SLC27A6: variants seen among roughly 807,000 people sequenced by gnomAD.
SLC27A6 encodes the protein solute carrier family 27 member 6, also known as long-chain fatty acid transport protein 6.
Under a neutral mutation model 63.9 loss-of-function variants are expected in SLC27A6, and 74 were observed. That is an observed-to-expected ratio of 1.16 (90% confidence interval 0.96 to 1.40). SLC27A6 has a LOEUF of 1.40. Among genes scored for constraint, SLC27A6 ranks in the 40% most tolerant of loss-of-function variants. SLC27A6 has a pLI of 0.00. For synonymous variants in SLC27A6, 287 were observed against 260.8 expected (o/e 1.10, Z -0.97); for missense variants, 794 against 732.9 (o/e 1.08, Z -0.96).
At chr5:128,967,189 A>G (rs1749938591) in intron 1 of SLC27A6, among the ~76,000 whole-genome samples, 1 of 149,376 alleles carries the variant, frequency 6.7e-6, no homozygotes, top group Non-Finnish European at 1.5e-5. Context: ...TCTTCTTCTT[A>G]TCCTTCCATG....
intron 5 of SLC27A6, among the ~76,000 whole-genome samples, chr5:129,021,544 ATGAATGGGACCCCATGTTT>A (rs1752075836): frequency 6.6e-6 from 1 of 152,192 alleles, no homozygotes; most frequent in Admixed American, 6.5e-5. Flanking sequence ...CAGTTCTGCT[ATGAATGGGACCCCATGTTT>A]TGAATGGGAC....
At chr5:128,982,892 C>T (rs531992351) in intron 1 of SLC27A6, among the ~76,000 whole-genome samples, 74 of 152,244 alleles carry the variant, frequency 4.9e-4, no homozygotes, top group Non-Finnish European at 9.7e-4. Context: ...CCCCACTTTC[C>T]ACCGCATATC....
chr5:129,019,874 T>C (rs1022832624), intron 5 of SLC27A6, among the ~76,000 whole-genome samples: 1 of 152,058 alleles, frequency 6.6e-6, no homozygotes, highest in Admixed American at 6.6e-5. Flanking sequence ...TAATTGGTGT[T>C]CCTGCAGTAA....
intron 1 of SLC27A6, among the ~76,000 whole-genome samples, chr5:128,977,331 A>G (rs185411): frequency 0.72 from 109,689 of 152,026 alleles, 39,585 homozygotes; most frequent in East Asian, 0.88. Context: ...ATCAACATCT[A>G]TTTGTGAATT....
At chr5:128,985,715 T>G (rs1167468177) in intron 2 of SLC27A6, among the ~76,000 whole-genome samples, 1 of 152,210 alleles carries the variant, frequency 6.6e-6, no homozygotes, top group Non-Finnish European at 1.5e-5. Context: ...ATATCTAAAA[T>G]GAAGAAATTA....
rs115268313 is a variant in SLC27A6, at chr5:129,011,126, T to C, written c.970-4759T>C. Among the ~76,000 whole-genome samples, 1,390 of 152,298 alleles carry C rather than the reference T, an allele frequency of 9.1e-3. 16 individuals are homozygous for C. The highest frequency in any genetic ancestry group is 0.031 in the African/African-American group (1,284 of 41,562). The stretch of plus-strand genomic sequence containing the variant: ...GATGCTAGGAACATTCTTATATGTG[T>C]CTTTTGGCAGATTTATGTATTTATC... On this transcript the variant is annotated intron_variant, in intron 4 of 9. Transcript: ENST00000262462.
At chr5:128,968,938 G>T (rs978037727) in intron 1 of SLC27A6, among the ~76,000 whole-genome samples, 1 of 152,176 alleles carries the variant, frequency 6.6e-6, no homozygotes, top group Non-Finnish European at 1.5e-5. Context: ...ATTAAATTTT[G>T]TATAAGGTGT....
intron 2 of SLC27A6, among the ~76,000 whole-genome samples, chr5:128,986,519 T>C (rs748881036): frequency 2.0e-5 from 3 of 152,206 alleles, no homozygotes; most frequent in Non-Finnish European, 4.4e-5. Flanking sequence ...TTTTCTTACA[T>C]TTTAAAAATC....
At chr5:129,023,061 G>A (rs1752128008) in intron 5 of SLC27A6, among the ~76,000 whole-genome samples, 1 of 152,054 alleles carries the variant, frequency 6.6e-6, no homozygotes, top group South Asian at 2.1e-4. Flanking sequence ...CTGAATGTTA[G>A]TTTAGGAGCG....
chr5:128,980,655 G>T (rs1403395139), intron 1 of SLC27A6, among the ~76,000 whole-genome samples: 1 of 152,174 alleles, frequency 6.6e-6, no homozygotes, highest in East Asian at 1.9e-4. Context: ...TAACTATAAG[G>T]ATGTGGCAAG....
At chr5:129,002,496 C>T (rs1375821739) in intron 4 of SLC27A6, among the ~76,000 whole-genome samples, 1 of 150,572 alleles carries the variant, frequency 6.6e-6, no homozygotes, top group Non-Finnish European at 1.5e-5. Context: ...CTCGTTCCTT[C>T]CCTCTCTCGT....
At chr5:129,033,060 T>TA in intron 9 of SLC27A6, 46 bp from the exon 10 acceptor site, 1 of 1,233,464 alleles carries the variant, frequency 8.1e-7, no homozygotes, top group Non-Finnish European at 1.1e-6. Flanking sequence ...TATGTATATA[T>TA]TATAGTTATT....
At chr5:128,971,849 T>G (rs1750177573) in intron 1 of SLC27A6, among the ~76,000 whole-genome samples, 2 of 152,184 alleles carry the variant, frequency 1.3e-5, no homozygotes, top group African/African-American at 4.8e-5. Flanking sequence ...TGCAGTTTCT[T>G]TCTAGCGTCG....
At chr5:129,019,054 G>A (rs1035515950) in intron 5 of SLC27A6, among the ~76,000 whole-genome samples, 4 of 152,020 alleles carry the variant, frequency 2.6e-5, no homozygotes, top group African/African-American at 7.2e-5. Flanking sequence ...CTTATTATCT[G>A]GGAGGGAAGC....
rs1057308182 is a variant in SLC27A6, at chr5:128,985,430, A to G, written c.685+94A>G. On this transcript the variant is annotated intron_variant, in intron 2 of 9. Coordinates refer to ENST00000262462, the MANE Select transcript of SLC27A6 (RefSeq NM_001017372.3). ...TTTCTACCATGTGTAGTGACCAACC[A>G]TCTGAGAATGCATGCTTGCAAGAAG... 12 of 930,376 alleles carry G rather than the reference A, an allele frequency of 1.3e-5. 1 individual carries two copies. In the African/African-American group the frequency reaches 1.6e-4, roughly 13 times the overall value. 57.6% of individuals were successfully genotyped at this position (930,376 alleles called of 1,614,324 possible). A position where few individuals can be genotyped will look rare whatever the true frequency, so the allele number is the denominator to read the frequency against.
At chr5:129,005,574 C>T (rs993894654) in intron 4 of SLC27A6, among the ~76,000 whole-genome samples, 1 of 150,938 alleles carries the variant, frequency 6.6e-6, no homozygotes, top group Non-Finnish European at 1.5e-5. Context: ...TTCTCAAAAG[C>T]AGCCATAGAT....
intron 1 of SLC27A6, among the ~76,000 whole-genome samples, chr5:128,976,501 T>C (rs1750385594): frequency 6.6e-6 from 1 of 152,046 alleles, no homozygotes. Flanking sequence ...GCAACAAGAA[T>C]GAAACTCCGT....
Position 128,966,503 on chromosome 5 carries a change from G to A in SLC27A6, c.366G>A (p.Trp122Ter), listed in dbSNP as rs1300389482. The change falls in exon 1 of 10, where the codon TGG (tryptophan) becomes TGA (stop). Residue 122 changes from tryptophan (W) to a stop codon, truncating the protein, a stop_gained. Coordinates refer to ENST00000262462, the MANE Select transcript of SLC27A6 (RefSeq NM_001017372.3). LOFTEE classifies it high-confidence loss of function. Reference sequence around the variant, plus strand: ...ATGAGCCGGACTTCGTTCACGTGTGGTTCGGCCTCGCCAAGCTGGGCTGCG... The same window carrying A: ...ATGAGCCGGACTTCGTTCACGTGTGATTCGGCCTCGCCAAGCTGGGCTGCG... ...MSNEPDFVHV[W>*]FGLAKLGCVV... 6.2e-7 allele frequency: 1 copy of A among 1,607,656 alleles called. No individual in the cohort carries two copies. The highest frequency in any genetic ancestry group is 8.5e-7 in the Non-Finnish European group (1 of 1,177,456).
rs1752472019 is a variant in SLC27A6, at chr5:129,033,372, C to T, written c.*90C>T. On this transcript the variant is annotated 3_prime_UTR_variant, in exon 10 of 10. Coordinates refer to ENST00000262462, the MANE Select transcript of SLC27A6 (RefSeq NM_001017372.3). ...TTATGAAATGGGGAAAGGGAGCTAA[C>T]ATTAATTATGCATGTACTATATTTC... 2 of 677,846 alleles carry T rather than the reference C, an allele frequency of 3.0e-6. No individual in the cohort carries two copies. The highest frequency in any genetic ancestry group is 4.8e-6 in the Non-Finnish European group (2 of 419,646). 42.0% of individuals were successfully genotyped at this position (677,846 alleles called of 1,614,324 possible).
Sources: allele counts gnomAD v4.1 joint callset (sites outside exome capture counted in the v4.1 genomes callset), GRCh38; gene constraint gnomAD v4.1.1; transcripts MANE v1.5; gene names NCBI Gene and HGNC (gene_info 2026-07-23, HGNC 2026-07-21).